Variants in CSMD1 observed in about 807,000 individuals in gnomAD.
CSMD1 encodes CUB and sushi domain-containing protein 1.
CSMD1 carries 213 observed loss-of-function variants against 417.5 expected under a neutral mutation model. The observed-to-expected ratio is 0.51, with a 90% confidence interval of 0.46 to 0.57. CSMD1 has a LOEUF of 0.57. Ranked by LOEUF, CSMD1 falls within the 20% of genes least tolerant of loss-of-function variation. The probability of loss-of-function intolerance (pLI) is 0.00; values close to 1 mark genes in which losing one functional copy is unlikely to be tolerated. For missense variants in CSMD1, 6,923 were observed against 4,529.7 expected, an observed-to-expected ratio of 1.53 and a Z score of -15.17; for synonymous variants, 2,862 against 1,736.8, an observed-to-expected ratio of 1.65 and a Z score of -16.11.
chr8:3,473,081 G>A (rs989984693), intron 11 of CSMD1, among the ~76,000 whole-genome samples: 10 of 152,020 alleles, frequency 6.6e-5, no homozygotes, highest in African/African-American at 2.4e-4. Flanking sequence ...AAACGTAATT[G>A]TCATGTAAAA....
chr8:3,610,631 C>T (rs1015293376), intron 8 of CSMD1, among the ~76,000 whole-genome samples: 1 of 152,092 alleles, frequency 6.6e-6, no homozygotes, highest in Non-Finnish European at 1.5e-5. Flanking sequence ...GTATAGATGA[C>T]ATTCACTTCA....
chr8:3,855,231 T>C (rs1242123340), intron 5 of CSMD1, among the ~76,000 whole-genome samples: 1 of 152,178 alleles, frequency 6.6e-6, no homozygotes. Context: ...AGCTATTTTG[T>C]AAAAGAAGAA....
intron 5 of CSMD1, among the ~76,000 whole-genome samples, chr8:3,864,604 G>A (rs940360728): frequency 6.6e-6 from 1 of 152,110 alleles, no homozygotes; most frequent in Non-Finnish European, 1.5e-5. Flanking sequence ...ATCTCCTAGT[G>A]TTATCCCTCC....
intron 1 of CSMD1, among the ~76,000 whole-genome samples, chr8:4,887,313 C>G (rs1370735528): frequency 6.6e-6 from 1 of 152,000 alleles, no homozygotes; most frequent in Non-Finnish European, 1.5e-5. Flanking sequence ...AACTCAATTA[C>G]AATGTGTTAA....
At chr8:4,743,108 T>C (rs918572871) in intron 1 of CSMD1, among the ~76,000 whole-genome samples, 2 of 152,182 alleles carry the variant, frequency 1.3e-5, no homozygotes, top group Non-Finnish European at 2.9e-5. Context: ...GTATATAATC[T>C]GAAAATAAAT....
chr8:3,490,098 C>G (rs1163807685), intron 11 of CSMD1, among the ~76,000 whole-genome samples: 4 of 152,154 alleles, frequency 2.6e-5, no homozygotes, highest in African/African-American at 9.7e-5. Flanking sequence ...TTCAAAGAGA[C>G]TAGCTGTGAT....
chr8:2,955,568 A>T (rs1404412276), intron 64 of CSMD1, 21 bp downstream of exon 64: 2 of 1,611,586 alleles, frequency 1.2e-6, no homozygotes, highest in Non-Finnish European at 1.7e-6. Context: ...AAAGTATGCC[A>T]CTCCTTGATC....
chr8:4,505,565 T>C (rs1802477922), intron 2 of CSMD1, among the ~76,000 whole-genome samples: 2 of 152,176 alleles, frequency 1.3e-5, no homozygotes, highest in African/African-American at 2.4e-5. Flanking sequence ...AATAATGCTA[T>C]TGGAATGGAT....
intron 5 of CSMD1, among the ~76,000 whole-genome samples, chr8:3,877,197 T>C (rs1805881131): frequency 6.6e-6 from 1 of 152,112 alleles, no homozygotes; most frequent in Non-Finnish European, 1.5e-5. Flanking sequence ...AAGAAGGAAG[T>C]GGACACTGGG....
At chr8:4,790,773 T>A (rs555870520) in intron 1 of CSMD1, among the ~76,000 whole-genome samples, 1 of 152,334 alleles carries the variant, frequency 6.6e-6, no homozygotes, top group African/African-American at 2.4e-5. Flanking sequence ...GATAAATGGC[T>A]AGCCATATGC....
At chr8:4,019,389 A>G (rs112526667) in intron 4 of CSMD1, among the ~76,000 whole-genome samples, 2,409 of 152,292 alleles carry the variant, frequency 0.016, 71 homozygotes, top group African/African-American at 0.056. Context: ...AGCTGCAAGC[A>G]TACTACCAAG....
Position 3,097,566 on chromosome 8 carries a change from T to C in CSMD1, c.6950-529A>G, listed in dbSNP as rs549073961. Among the ~76,000 whole-genome samples the C allele has an allele frequency of 1.6e-4, 24 of 152,200 alleles. No homozygotes were observed. In the South Asian group the frequency reaches 5.0e-3, roughly 32 times the overall value. On this transcript the variant is annotated intron_variant, in intron 46 of 69. Transcript: ENST00000635120. ...GGTGCAATCACATCATACAGGGCAA[T>C]GGATATACTGGACAAAGCTGGGATT... is the stretch of plus-strand genomic sequence containing the variant.
chr8:4,891,748 C>T (rs1290425388), intron 1 of CSMD1, among the ~76,000 whole-genome samples: 4 of 152,066 alleles, frequency 2.6e-5, no homozygotes, highest in East Asian at 1.9e-4. Context: ...TTAATTATTT[C>T]CCAAAACTCC....
chr8:3,745,829 C>T (rs954310140), intron 6 of CSMD1, among the ~76,000 whole-genome samples: 2 of 152,182 alleles, frequency 1.3e-5, no homozygotes, highest in South Asian at 2.1e-4. Context: ...CCTGGTTTCC[C>T]TACAGCTGTG....
At chr8:3,803,663 G>C (rs78766332) in intron 5 of CSMD1, among the ~76,000 whole-genome samples, 3,896 of 152,266 alleles carry the variant, frequency 0.026, 62 homozygotes, top group African/African-American at 0.05. Flanking sequence ...ATAGAGGCCA[G>C]AGTGGCACCA....
At chr8:3,899,811 C>G (rs971783336) in intron 5 of CSMD1, among the ~76,000 whole-genome samples, 1 of 152,276 alleles carries the variant, frequency 6.6e-6, no homozygotes, top group South Asian at 2.1e-4. Flanking sequence ...GGATAGCACC[C>G]TTCAGTATGA....
Position 4,188,808 on chromosome 8 carries a change from G to C in CSMD1, c.416-156709C>G, listed in dbSNP as rs1487415868. On this transcript the variant is annotated intron_variant, in intron 3 of 69. Coordinates refer to ENST00000635120, the MANE Select transcript of CSMD1 (RefSeq NM_033225.6). ...AAGAAACTCCAGGATGAATATTATG[G>C]GGGAGGATGGTAATTGGGAGGGATA... Among the ~76,000 whole-genome samples, 3 of 4,120 alleles carry C rather than the reference G, an allele frequency of 7.3e-4. No individual in the cohort carries two copies. In the Admixed American group the frequency reaches 0.013, roughly 18 times the overall value. The allele number at this position is 4,120 out of a possible 152,430, so 2.7% of individuals were successfully genotyped here.
chr8:3,686,430 G>A (rs1585075153), intron 7 of CSMD1, among the ~76,000 whole-genome samples: 1 of 152,068 alleles, frequency 6.6e-6, no homozygotes, highest in East Asian at 1.9e-4. Flanking sequence ...TTTGCTGGTG[G>A]ATGGGTTAAG....
chr8:4,605,742 G>C (rs979390222), intron 2 of CSMD1, among the ~76,000 whole-genome samples: 1 of 152,170 alleles, frequency 6.6e-6, no homozygotes, highest in Non-Finnish European at 1.5e-5. Context: ...TCTGTGACTT[G>C]TAAATCTGGG....
Sources: gnomAD v4.1 joint callset for allele counts (sites outside exome capture counted in the v4.1 genomes callset) on GRCh38, gnomAD v4.1.1 for gene constraint, MANE v1.5 for transcripts, NCBI Gene and HGNC (gene_info 2026-07-23, HGNC 2026-07-21) for gene names.